The following NSUN3 variants were observed in gnomAD, a reference collection of about 807,000 sequenced individuals.
The protein encoded by NSUN3 is NOP2/Sun RNA methyltransferase 3.
A neutral mutation model predicts 36.8 loss-of-function variants in NSUN3; 24 were observed. The observed-to-expected ratio is 0.65, with a 90% CI of 0.47 to 0.92. The LOEUF (loss-of-function observed/expected upper bound fraction) is 0.92. Among genes scored for constraint, NSUN3 ranks in the 40% least tolerant of loss-of-function variants. NSUN3 has a pLI of 0.00. For synonymous variants in NSUN3, 146 were observed against 145.2 expected (o/e 1.01, Z -0.04); for missense variants, 381 against 392.8 (o/e 0.97, Z 0.25).
rs898568059 is a variant in NSUN3 at position 94,131,363 on chromosome 3, A to G, written c.*4873A>G. On this transcript the variant is annotated 3_prime_UTR_variant, in exon 6 of 6. Transcript: ENST00000314622. Reference sequence around the variant, plus strand: ...CCGAGGTCCAGGCCCTTTTCCCAACACTATGCTGTCTCACAGAGTGTAGGT... The same window carrying G: ...CCGAGGTCCAGGCCCTTTTCCCAACGCTATGCTGTCTCACAGAGTGTAGGT... Among the ~76,000 whole-genome samples, 14 of 152,222 alleles carry G rather than the reference A, an allele frequency of 9.2e-5. No homozygotes were observed. The highest frequency in any genetic ancestry group is 3.1e-4 in the African/African-American group (13 of 41,458).
intron 5 of NSUN3, among the ~76,000 whole-genome samples, chr3:94,125,865 G>A (rs1355526243): frequency 6.6e-6 from 1 of 152,158 alleles, no homozygotes; most frequent in African/African-American, 2.4e-5. Flanking sequence ...TTCAAGACCA[G>A]CCTGACCAAC....
Position 94,126,759 on chromosome 3 carries a change from A to T in NSUN3, c.*269A>T, listed in dbSNP as rs1288481364. ...TGTCTTTGCTTGGCATTTTATAGTTAAATTAATTAGAATATGTGGTTTTAT... is the reference window on the plus strand; with the variant it reads ...TGTCTTTGCTTGGCATTTTATAGTTTAATTAATTAGAATATGTGGTTTTAT... On this transcript the variant is annotated 3_prime_UTR_variant, in exon 6 of 6. Transcript: ENST00000314622. 9.3e-6 allele frequency: 3 copies of T among 321,428 alleles called. No individual in the cohort carries two copies. Among genetic ancestry groups the T allele is most frequent in the African/African-American group, 6.4e-5 (3 of 47,162 alleles). The allele number at this position is 321,428 out of a possible 1,614,324, so 19.9% of individuals were successfully genotyped here.
Position 94,118,880 on chromosome 3 carries a change from C to T in NSUN3, c.744-7331C>T, listed in dbSNP as rs183532294. ...TTCTAATCTCTAAATGTTTTGCCAC[C>T]TCCAGAATTTAAAATTTCTTAGTGG... On this transcript the variant is annotated intron_variant, in intron 5 of 5. Transcript: ENST00000314622. 4.6e-5 allele frequency among the ~76,000 whole-genome samples: 7 copies of T among 152,136 alleles called. No individual in the cohort carries two copies. The East Asian group carries it at 1.2e-3, about 25-fold the overall frequency.
chr3:94,076,124 T>C, intron 2 of NSUN3: 1 of 1,397,396 alleles, frequency 7.2e-7, no homozygotes, highest in Non-Finnish European at 1.0e-6. Flanking sequence ...TTCTGGGGAT[T>C]GTTCCTCTCC....
intron 5 of NSUN3, among the ~76,000 whole-genome samples, chr3:94,105,593 G>A (rs1483733537): frequency 6.6e-6 from 1 of 152,078 alleles, no homozygotes; most frequent in East Asian, 1.9e-4. Context: ...GGTTTCTGTG[G>A]AATCGCTTGA....
chr3:94,069,391 T>C (rs1256321219), intron 2 of NSUN3, among the ~76,000 whole-genome samples: 3 of 152,368 alleles, frequency 2.0e-5, no homozygotes, highest in Admixed American at 2.0e-4. Flanking sequence ...TTTTCATTTC[T>C]AACTTTTAAA....
intron 5 of NSUN3, among the ~76,000 whole-genome samples, chr3:94,103,914 TC>T (rs200022175): frequency 0.019 from 2,895 of 152,284 alleles, 76 homozygotes; most frequent in African/African-American, 0.06. Flanking sequence ...AGGGGGATAC[TC>T]CTAAGGAAAG....
At position 94,107,398 on chromosome 3, in the gene NSUN3, T is replaced by C. The variant is rs573844598; in HGVS notation, c.743+12244T>C. On this transcript the variant is annotated intron_variant, in intron 5 of 5. Transcript: ENST00000314622. Reference sequence around the variant, plus strand: ...GACCTCCTGGGCCCAAGTGATCCTCTTGTCTCAGCTTTCTGAGTAGCTGGG... The same window carrying C: ...GACCTCCTGGGCCCAAGTGATCCTCCTGTCTCAGCTTTCTGAGTAGCTGGG... Among the ~76,000 whole-genome samples, 308 of 152,172 alleles carry C rather than the reference T, an allele frequency of 2.0e-3. 2 individuals are homozygous for C. The highest frequency in any genetic ancestry group is 7.1e-3 in the African/African-American group (294 of 41,528).
intron 5 of NSUN3, among the ~76,000 whole-genome samples, chr3:94,106,431 A>G (rs1223487284): frequency 6.6e-6 from 1 of 152,200 alleles, no homozygotes; most frequent in Non-Finnish European, 1.5e-5. Context: ...TGTGATATCT[A>G]GAAATTTGAT....
intron 3 of NSUN3, among the ~76,000 whole-genome samples, chr3:94,091,618 G>A (rs1203847280): frequency 2.0e-5 from 3 of 152,312 alleles, no homozygotes; most frequent in African/African-American, 7.2e-5. Context: ...TTTTAGGAAA[G>A]TTGGTGAAAA....
intron 5 of NSUN3, among the ~76,000 whole-genome samples, chr3:94,117,404 T>C (rs1420951864): frequency 6.6e-6 from 1 of 152,192 alleles, no homozygotes; most frequent in Non-Finnish European, 1.5e-5. Flanking sequence ...CTGTGAACTG[T>C]CAAAAATCTA....
intron 2 of NSUN3, among the ~76,000 whole-genome samples, chr3:94,074,213 A>G (rs558278283): frequency 3.9e-5 from 6 of 152,182 alleles, no homozygotes; most frequent in Non-Finnish European, 5.9e-5. Flanking sequence ...GCCTTGTAGT[A>G]TAGTTTGAAG....
chr3:94,094,063 G>C, intron 3 of NSUN3, 77 bp from the exon 4 acceptor site: 1 of 1,070,334 alleles, frequency 9.3e-7, no homozygotes, highest in Non-Finnish European at 1.3e-6. Context: ...ATTTCTTTCT[G>C]AAATTTATTT....
At chr3:94,120,673 C>G (rs1237751258) in intron 5 of NSUN3, among the ~76,000 whole-genome samples, 1 of 152,162 alleles carries the variant, frequency 6.6e-6, no homozygotes, top group Non-Finnish European at 1.5e-5. Context: ...GGCAGTTCAT[C>G]CACTGATGGA....
chr3:94,126,155 CT>C lies in NSUN3; in HGVS notation c.744-55del, dbSNP rs1439115140. 23 of 1,471,280 alleles carry C rather than the reference CT, an allele frequency of 1.6e-5. No individual in the cohort carries two copies. The Middle Eastern group carries it at 5.3e-4, about 34-fold the overall frequency. 91.1% of individuals were successfully genotyped at this position (1,471,280 alleles called of 1,614,324 possible). On this transcript the variant is annotated intron_variant, in intron 5 of 5. Transcript: ENST00000314622. The stretch of plus-strand genomic sequence containing the variant: ...TACGTAATCTTTGCTGTCAGACCCC[CT>C]GGTTTCTTTTTAATATACTTAACTA...
Position 94,084,280 on chromosome 3 carries a change from G to A in NSUN3, c.296G>A (p.Arg99Gln), listed in dbSNP as rs544261710. 6.8e-5 allele frequency: 110 copies of A among 1,613,922 alleles called. No individual in the cohort carries two copies. Among genetic ancestry groups the A allele is most frequent in the African/African-American group, 1.2e-4 (9 of 74,898 alleles). Residue 99 changes from arginine to glutamine, a missense_variant, in exon 3 of 6, where the codon CGA becomes CAA. Arg to Gln is a conservative substitution (Grantham distance 43). Transcript: ENST00000314622. ...VKCYLSRTPGRIPSERHQIGN... is the reference protein window; with the variant it reads ...VKCYLSRTPGQIPSERHQIGN... ...TGTTACCTTAGCAGAACTCCGGGCCGAATCCCTTCAGAAAGACACCAAATT... is the reference window on the plus strand; with the variant it reads ...TGTTACCTTAGCAGAACTCCGGGCCAAATCCCTTCAGAAAGACACCAAATT...
In NSUN3 at chr3:94,069,680, T is replaced by C. The variant is rs530630425; in HGVS notation, c.122+5134T>C. ...TATCGAAATGATACATTATACAGTT[T>C]TGCAAAATTTTAACTTAACTAGCTT... is the stretch of plus-strand genomic sequence containing the variant. On this transcript the variant is annotated intron_variant, in intron 2 of 5. Coordinates refer to ENST00000314622, the MANE Select transcript of NSUN3 (RefSeq NM_022072.5). 2.0e-5 allele frequency among the ~76,000 whole-genome samples: 3 copies of C among 152,364 alleles called. No homozygotes were observed. In the South Asian group the frequency reaches 6.2e-4, roughly 32 times the overall value.
intron 2 of NSUN3, 146 bp from the exon 3 acceptor site, chr3:94,083,961 A>C: frequency 1.6e-6 from 1 of 624,620 alleles, no homozygotes. Flanking sequence ...AGGCAAAAGG[A>C]AGAGTCAGGA....
chr3:94,089,571 A>G (rs950213485), intron 3 of NSUN3, among the ~76,000 whole-genome samples: 1 of 152,232 alleles, frequency 6.6e-6, no homozygotes, highest in African/African-American at 2.4e-5. Context: ...GTGAGCATGC[A>G]TACAAGTTTC....
Sources: allele counts gnomAD v4.1 joint callset (sites outside exome capture counted in the v4.1 genomes callset), GRCh38; gene constraint gnomAD v4.1.1; transcripts MANE v1.5; gene names NCBI Gene and HGNC (gene_info 2026-07-23, HGNC 2026-07-21).